Variants in DHRSX observed in about 807,000 individuals in gnomAD.
DHRSX encodes polyprenol dehydrogenase.
Under a neutral mutation model 34.0 loss-of-function variants are expected in DHRSX, and 31 were observed. The observed-to-expected ratio is 0.91, with a 90% CI of 0.69 to 1.23. DHRSX has a LOEUF of 1.23. Among genes scored for constraint, DHRSX ranks in the 50% most tolerant of loss-of-function variants. The pLI is 0.00. For missense variants in DHRSX, 414 were observed against 428.1 expected, an observed-to-expected ratio of 0.97 and a Z score of 0.29; for synonymous variants, 201 against 183.8, an observed-to-expected ratio of 1.09 and a Z score of -0.76.
At chrX:2,423,610 G>A (rs2043808222) in intron 2 of DHRSX, among the ~76,000 whole-genome samples, 1 of 151,990 alleles carries the variant, frequency 6.6e-6, no homozygotes, top group African/African-American at 2.4e-5. Flanking sequence ...TTAATTAAAT[G>A]CAGATAGTGT....
At chrX:2,428,944 T>C (rs2043883143) in intron 1 of DHRSX, among the ~76,000 whole-genome samples, 1 of 152,200 alleles carries the variant, frequency 6.6e-6, no homozygotes, top group Admixed American at 6.5e-5. Flanking sequence ...TAATCTGTTA[T>C]TTGTCAGCCC....
Position 2,277,099 on chromosome X carries a change from A to G in DHRSX, c.389-10152T>C, listed in dbSNP as rs1204963200. On this transcript the variant is annotated intron_variant, in intron 4 of 6. Coordinates refer to ENST00000334651, the MANE Select transcript of DHRSX (RefSeq NM_145177.3). The stretch of plus-strand genomic sequence containing the variant: ...AGAGAAAGAGAGATGGAGAGGGAAC[A>G]GGGAGAGAGAGGGAGGGCAAACGAG... Among the ~76,000 whole-genome samples the G allele has an allele frequency of 1.6e-4, 13 of 79,604 alleles. No individual in the cohort carries two copies. In the South Asian group the frequency reaches 3.1e-3, roughly 19 times the overall value. 52.2% of individuals were successfully genotyped at this position (79,604 alleles called of 152,430 possible).
At chrX:2,370,448 A>C (rs2043043721) in intron 3 of DHRSX, among the ~76,000 whole-genome samples, 1 of 152,132 alleles carries the variant, frequency 6.6e-6, no homozygotes, top group Non-Finnish European at 1.5e-5. Flanking sequence ...CTGGGATGAC[A>C]GTCTGAGCCA....
At chrX:2,485,674 GGGGA>G (rs2044880227) in intron 1 of DHRSX, among the ~76,000 whole-genome samples, 2 of 78,200 alleles carry the variant, frequency 2.6e-5, no homozygotes, top group South Asian at 9.7e-4. Context: ...GAAGGAGGGA[GGGGA>G]GGAAAGGGAG....
intron 3 of DHRSX, among the ~76,000 whole-genome samples, chrX:2,307,252 G>A (rs747598998): frequency 2.6e-5 from 4 of 152,200 alleles, no homozygotes; most frequent in African/African-American, 9.6e-5. Flanking sequence ...ATACATAGGA[G>A]CTAAACATTG....
intron 2 of DHRSX, among the ~76,000 whole-genome samples, chrX:2,417,839 C>T (rs1240484244): frequency 1.3e-5 from 2 of 152,060 alleles, no homozygotes; most frequent in African/African-American, 4.8e-5. Flanking sequence ...ACATTCTACT[C>T]AACTACCTCA....
chrX:2,255,722 C>T (rs1262410285), intron 5 of DHRSX, among the ~76,000 whole-genome samples: 2 of 151,678 alleles, frequency 1.3e-5, no homozygotes, highest in Middle Eastern at 3.2e-3. Flanking sequence ...ACCAGCCTGA[C>T]CAACATGGTG....
At chrX:2,299,736 T>A (rs1415119740) in intron 3 of DHRSX, among the ~76,000 whole-genome samples, 3 of 151,766 alleles carry the variant, frequency 2.0e-5, no homozygotes, top group Non-Finnish European at 4.4e-5. Flanking sequence ...ACGCCTGTAA[T>A]CCCAGATACT....
chrX:2,288,333 T>G (rs2041828981), intron 4 of DHRSX, among the ~76,000 whole-genome samples: 1 of 152,202 alleles, frequency 6.6e-6, no homozygotes, highest in African/African-American at 2.4e-5. Flanking sequence ...CCTCCCGGGT[T>G]CAAGCAATTC....
chrX:2,462,073 T>C (rs1370749671), intron 1 of DHRSX, among the ~76,000 whole-genome samples: 1 of 151,920 alleles, frequency 6.6e-6, no homozygotes, highest in East Asian at 1.9e-4. Flanking sequence ...GATTACTGAA[T>C]TACAGTGACA....
intron 1 of DHRSX, among the ~76,000 whole-genome samples, chrX:2,470,520 C>G (rs1486203517): frequency 6.6e-6 from 1 of 151,966 alleles, no homozygotes; most frequent in African/African-American, 2.4e-5. Context: ...CCAGCCTGAG[C>G]AACATAGCAA....
chrX:2,484,722 G>A (rs1321576144), intron 1 of DHRSX, among the ~76,000 whole-genome samples: 1 of 152,080 alleles, frequency 6.6e-6, no homozygotes, highest in East Asian at 1.9e-4. Flanking sequence ...GGAAAGGACG[G>A]GGCGGCGGGC....
intron 6 of DHRSX, among the ~76,000 whole-genome samples, chrX:2,233,570 T>C (rs2015946853): frequency 6.6e-6 from 1 of 152,144 alleles, no homozygotes; most frequent in African/African-American, 2.4e-5. Flanking sequence ...CAAGCCACTC[T>C]TGAGTCCTGG....
rs753667673 is a variant in DHRSX, at chrX:2,226,734, G to C, written c.805-5505C>G. On this transcript the variant is annotated intron_variant, in intron 6 of 6. Coordinates refer to ENST00000334651, the MANE Select transcript of DHRSX (RefSeq NM_145177.3). ...GGCGTGAACCCGGGAGGCGGGGCTT[G>C]CAGTGAGCCGAGATGGCGCCACTGC... 9.9e-5 allele frequency among the ~76,000 whole-genome samples: 15 copies of C among 152,092 alleles called. No homozygotes were observed. The East Asian group carries it at 2.9e-3, about 29-fold the overall frequency.
At chrX:2,324,529 G>T (rs1230720093) in intron 3 of DHRSX, among the ~76,000 whole-genome samples, 1 of 152,044 alleles carries the variant, frequency 6.6e-6, no homozygotes, top group African/African-American at 2.4e-5. Flanking sequence ...TGCTTGCAAG[G>T]GTTCCATAAC....
At chrX:2,243,785 CCTGTTTTTTTTTTTTTTTTTTTTTT>C (rs1343934779) in intron 5 of DHRSX, among the ~76,000 whole-genome samples, 1 of 71,514 alleles carries the variant, frequency 1.4e-5, no homozygotes, top group Non-Finnish European at 2.9e-5. Flanking sequence ...CACTATGCTC[CCTGTTTTTTTTTTTTTTTTTTTTTT>C]TTTTTTTTTT....
chrX:2,445,116 C>G (rs2044113469), intron 1 of DHRSX, among the ~76,000 whole-genome samples: 1 of 152,146 alleles, frequency 6.6e-6, no homozygotes, highest in Non-Finnish European at 1.5e-5. Context: ...AAGATCGCAC[C>G]ACTGCACTCC....
intron 1 of DHRSX, among the ~76,000 whole-genome samples, chrX:2,429,378 C>A (rs2043889086): frequency 6.6e-6 from 1 of 151,730 alleles, no homozygotes; most frequent in Non-Finnish European, 1.5e-5. Flanking sequence ...ACTTCCTAGT[C>A]AATAAAGAAA....
intron 4 of DHRSX, among the ~76,000 whole-genome samples, chrX:2,273,043 C>T (rs1233584842): frequency 2.6e-5 from 4 of 152,078 alleles, no homozygotes; most frequent in South Asian, 2.1e-4. Context: ...GAGACCAAGG[C>T]GGGCAGATCA....
Sources: gnomAD v4.1 joint callset for allele counts (sites outside exome capture counted in the v4.1 genomes callset) on GRCh38, gnomAD v4.1.1 for gene constraint, MANE v1.5 for transcripts, NCBI Gene and HGNC (gene_info 2026-07-23, HGNC 2026-07-21) for gene names.